Variants in GLRA3 observed in about 807,000 individuals in gnomAD.
GLRA3 encodes glycine receptor subunit alpha-3.
In GLRA3, 44 loss-of-function variants were observed where a neutral mutation model predicts 60.4. The observed-to-expected ratio is 0.73, with a 90% CI of 0.57 to 0.94. The LOEUF is 0.94. GLRA3 is among the 40% of genes least tolerant of loss of function. The pLI is 0.00. For synonymous variants in GLRA3, 223 were observed against 192.9 expected (o/e 1.16, Z -1.29); for missense variants, 508 against 564.6 (o/e 0.90, Z 1.02).
chr4:174,758,772 CCTAAA>C (rs1441828384), intron 3 of GLRA3, among the ~76,000 whole-genome samples: 1 of 151,926 alleles, frequency 6.6e-6, no homozygotes, highest in Non-Finnish European at 1.5e-5. Context: ...TTCTTGTAGA[CCTAAA>C]CTATTCTAAA....
intron 5 of GLRA3, among the ~76,000 whole-genome samples, chr4:174,692,143 C>T (rs993292151): frequency 6.6e-6 from 1 of 151,726 alleles, no homozygotes; most frequent in Non-Finnish European, 1.5e-5. Flanking sequence ...AAGTGAGGAG[C>T]CCCTCCGCCC....
intron 7 of GLRA3, among the ~76,000 whole-genome samples, chr4:174,675,981 A>G (rs936809017): frequency 3.9e-5 from 6 of 152,162 alleles, no homozygotes; most frequent in African/African-American, 9.6e-5. Flanking sequence ...GCACACAAAA[A>G]AAGTTAATAT....
At chr4:174,727,423 T>C (rs1458920048) in intron 4 of GLRA3, among the ~76,000 whole-genome samples, 1 of 152,150 alleles carries the variant, frequency 6.6e-6, no homozygotes, top group East Asian at 1.9e-4. Context: ...AAGACCTCAA[T>C]ATTAAGCCTA....
intron 5 of GLRA3, among the ~76,000 whole-genome samples, chr4:174,701,513 A>C (rs1311302739): frequency 6.6e-6 from 1 of 152,174 alleles, no homozygotes; most frequent in Non-Finnish European, 1.5e-5. Context: ...ATCAAGGAGT[A>C]ATTTTGACTT....
chr4:174,685,965 T>A (rs961883514), intron 5 of GLRA3, among the ~76,000 whole-genome samples: 1 of 152,256 alleles, frequency 6.6e-6, no homozygotes, highest in African/African-American at 2.4e-5. Flanking sequence ...ACTAGCTTTA[T>A]GAAATTCCTT....
chr4:174,746,215 C>A (rs1042424180), intron 3 of GLRA3, among the ~76,000 whole-genome samples: 1 of 152,056 alleles, frequency 6.6e-6, no homozygotes, highest in South Asian at 2.1e-4. Flanking sequence ...CAGCACTATT[C>A]GCAGTAGCAA....
At chr4:174,679,697 A>G (rs1020320972) in intron 6 of GLRA3, among the ~76,000 whole-genome samples, 2 of 152,232 alleles carry the variant, frequency 1.3e-5, no homozygotes, top group African/African-American at 4.8e-5. Context: ...TATTATTCAA[A>G]CAAAAAAGAA....
At chr4:174,760,523 A>G (rs1455159028) in intron 3 of GLRA3, among the ~76,000 whole-genome samples, 1 of 133,960 alleles carries the variant, frequency 7.5e-6, no homozygotes, top group Non-Finnish European at 1.7e-5. Flanking sequence ...GTAATACACA[A>G]TGATTTTTTT....
chr4:174,654,415 T>C (rs1012340386), intron 9 of GLRA3, among the ~76,000 whole-genome samples: 2 of 152,124 alleles, frequency 1.3e-5, no homozygotes, highest in African/African-American at 4.8e-5. Context: ...GATATCTTTA[T>C]TTTTTCAAAA....
Position 174,828,946 on chromosome 4 carries a change from T to C in GLRA3, c.-135A>G. Reference sequence around the variant, plus strand: ...TGATGCTTGGGAAGCTTCAGCACCTTAGACAGCTCCCCGCAGTATGCGGAC... The same window carrying C: ...TGATGCTTGGGAAGCTTCAGCACCTCAGACAGCTCCCCGCAGTATGCGGAC... On this transcript the variant is annotated 5_prime_UTR_variant, in exon 1 of 10. Transcript: ENST00000274093. 1.5e-6 allele frequency: 1 copy of C among 675,390 alleles called. No individual in the cohort carries two copies. Among genetic ancestry groups the C allele is most frequent in the South Asian group, 1.7e-5 (1 of 58,390 alleles). The allele number at this position is 675,390 out of a possible 1,614,324, so 41.8% of individuals were successfully genotyped here. A position where few individuals can be genotyped will look rare whatever the true frequency, so the allele number is the denominator to read the frequency against.
At chr4:174,707,733 A>G (rs1187445855) in intron 5 of GLRA3, among the ~76,000 whole-genome samples, 1 of 152,232 alleles carries the variant, frequency 6.6e-6, no homozygotes, top group Non-Finnish European at 1.5e-5. Flanking sequence ...CATAGATTTT[A>G]AAATGACCAA....
intron 3 of GLRA3, among the ~76,000 whole-genome samples, chr4:174,743,214 A>G (rs1471567884): frequency 6.6e-6 from 1 of 152,146 alleles, no homozygotes; most frequent in Non-Finnish European, 1.5e-5. Context: ...CCATTAACTT[A>G]CCTGCAGACC....
intron 7 of GLRA3, among the ~76,000 whole-genome samples, chr4:174,675,875 T>C (rs1249747852): frequency 6.6e-6 from 1 of 152,132 alleles, no homozygotes; most frequent in Non-Finnish European, 1.5e-5. Context: ...TTCAATCTAA[T>C]AAATTGAATC....
chr4:174,739,795 A>G (rs1736943722), intron 3 of GLRA3, among the ~76,000 whole-genome samples: 1 of 152,182 alleles, frequency 6.6e-6, no homozygotes. Context: ...GATGACTCAG[A>G]AGGCAGAAAC....
At chr4:174,786,238 C>T (rs1739125042) in intron 2 of GLRA3, among the ~76,000 whole-genome samples, 1 of 151,966 alleles carries the variant, frequency 6.6e-6, no homozygotes, top group African/African-American at 2.4e-5. Context: ...TAGATTCCTT[C>T]CAAAAACATT....
At position 174,728,465 on chromosome 4, in the gene GLRA3, C is replaced by T; in HGVS notation, c.491+10G>A. ...TTCACTGAAATCGGCAATTTAAGTC[C>T]ACGACTCACCTTATTGAATAAAGAA... On this transcript the variant is annotated intron_variant, in intron 4 of 9. Transcript: ENST00000274093. 7.0e-7 allele frequency: 1 copy of T among 1,438,308 alleles called. No homozygotes were observed. Among genetic ancestry groups the T allele is most frequent in the South Asian group, 1.2e-5 (1 of 85,880 alleles). The allele number at this position is 1,438,308 out of a possible 1,614,324, so 89.1% of individuals were successfully genotyped here.
At chr4:174,696,946 T>C (rs895469458) in intron 5 of GLRA3, among the ~76,000 whole-genome samples, 2 of 152,128 alleles carry the variant, frequency 1.3e-5, no homozygotes, top group Non-Finnish European at 2.9e-5. Flanking sequence ...TTCATTTTTG[T>C]TTGTTTCTCA....
At chr4:174,760,193 ATC>A (rs1424022418) in intron 3 of GLRA3, among the ~76,000 whole-genome samples, 1 of 152,216 alleles carries the variant, frequency 6.6e-6, no homozygotes, top group Non-Finnish European at 1.5e-5. Flanking sequence ...CATAAAGAAC[ATC>A]TGAATCATTT....
At chr4:174,709,626 C>T (rs1446695774) in intron 5 of GLRA3, among the ~76,000 whole-genome samples, 2 of 151,998 alleles carry the variant, frequency 1.3e-5, no homozygotes, top group African/African-American at 2.4e-5. Flanking sequence ...GAGGAATAAA[C>T]AGTATGTTGA....
Sources: allele counts gnomAD v4.1 joint callset (sites outside exome capture counted in the v4.1 genomes callset), GRCh38; gene constraint gnomAD v4.1.1; transcripts MANE v1.5; gene names NCBI Gene and HGNC (gene_info 2026-07-23, HGNC 2026-07-21).